The following SLIT3 variants were observed in gnomAD, a reference collection of about 807,000 sequenced individuals.
The protein encoded by SLIT3 is slit guidance ligand 3.
SLIT3 carries 68 observed loss-of-function variants against 184.0 expected under a neutral mutation model. That is an observed-to-expected ratio of 0.37 (90% confidence interval 0.30 to 0.45). The LOEUF (loss-of-function observed/expected upper bound fraction) is 0.45, where lower values mean the gene tolerates loss of function less well. Among genes scored for constraint, SLIT3 ranks in the 20% least tolerant of loss-of-function variants. SLIT3 has a pLI of 1.00. For synonymous variants in SLIT3, 831 were observed against 828.6 expected (o/e 1.00, Z -0.05); for missense variants, 1,707 against 2,026.0 (o/e 0.84, Z 3.02).
chr5:169,155,858 C>T (rs762634759), intron 4 of SLIT3, among the ~76,000 whole-genome samples: 5 of 152,198 alleles, frequency 3.3e-5, no homozygotes, highest in Admixed American at 1.3e-4. Flanking sequence ...TTCTGTTCAA[C>T]GTATGAACTG....
At chr5:169,163,994 A>C (rs953731966) in intron 4 of SLIT3, among the ~76,000 whole-genome samples, 1 of 152,170 alleles carries the variant, frequency 6.6e-6, no homozygotes, top group Non-Finnish European at 1.5e-5. Flanking sequence ...ACCATGAAAG[A>C]CAGGCAGTGG....
At chr5:168,924,495 T>G (rs892457510) in intron 4 of SLIT3, among the ~76,000 whole-genome samples, 59 of 137,482 alleles carry the variant, frequency 4.3e-4, no homozygotes, top group Middle Eastern at 3.5e-3. Context: ...TGTGTAAGGG[T>G]GTGTGTGTGT....
At chr5:168,679,961 T>C (rs186291596) in intron 32 of SLIT3, among the ~76,000 whole-genome samples, 1 of 152,366 alleles carries the variant, frequency 6.6e-6, no homozygotes, top group East Asian at 1.9e-4. Context: ...GAGCATGCAC[T>C]GCATTGCATT....
chr5:169,124,919 A>G (rs962633981), intron 4 of SLIT3, among the ~76,000 whole-genome samples: 1 of 152,202 alleles, frequency 6.6e-6, no homozygotes, highest in Non-Finnish European at 1.5e-5. Context: ...ACAGAAATGT[A>G]GCATTCTCTT....
At chr5:169,264,542 T>G (rs1378628149) in intron 1 of SLIT3, among the ~76,000 whole-genome samples, 2 of 152,192 alleles carry the variant, frequency 1.3e-5, no homozygotes, top group Non-Finnish European at 2.9e-5. Flanking sequence ...GCGGTCCTAA[T>G]GGGTGTCTTC....
intron 3 of SLIT3, among the ~76,000 whole-genome samples, chr5:169,197,635 A>G (rs905625139): frequency 2.0e-5 from 3 of 152,188 alleles, no homozygotes; most frequent in South Asian, 4.1e-4. Context: ...AAGTAAATCC[A>G]TGATTACTGA....
At chr5:169,064,485 T>TC (rs1758281999) in intron 4 of SLIT3, among the ~76,000 whole-genome samples, 1 of 152,222 alleles carries the variant, frequency 6.6e-6, no homozygotes, top group Non-Finnish European at 1.5e-5. Context: ...TTTTCTTTTT[T>TC]CCTCACAGAG....
chr5:169,283,658 A>C (rs1767063440), intron 1 of SLIT3, among the ~76,000 whole-genome samples: 1 of 152,216 alleles, frequency 6.6e-6, no homozygotes, highest in African/African-American at 2.4e-5. Context: ...TGAGGGACTT[A>C]TGACAATTTC....
At chr5:169,250,445 C>T (rs962781356) in intron 2 of SLIT3, among the ~76,000 whole-genome samples, 2 of 152,086 alleles carry the variant, frequency 1.3e-5, no homozygotes, top group Non-Finnish European at 2.9e-5. Flanking sequence ...AAACTGAGGC[C>T]CAAGGAGGAA....
intron 34 of SLIT3, among the ~76,000 whole-genome samples, chr5:168,670,639 C>T (rs1302017159): frequency 6.6e-6 from 1 of 152,196 alleles, no homozygotes; most frequent in African/African-American, 2.4e-5. Flanking sequence ...TCCCTTATTC[C>T]TGATCCAAAA....
intron 4 of SLIT3, among the ~76,000 whole-genome samples, chr5:168,934,223 A>G (rs138833214): frequency 6.6e-6 from 1 of 152,310 alleles, no homozygotes; most frequent in East Asian, 1.9e-4. Context: ...CAACTCCCCA[A>G]AGGAATAATT....
At position 168,738,215 on chromosome 5, in the gene SLIT3, T is replaced by C. The variant is rs574172934; in HGVS notation, c.2270+10087A>G. On this transcript the variant is annotated intron_variant, in intron 20 of 35. Transcript: ENST00000519560. ...ATTTTCCTTTTGCCCTGTGTTGACA[T>C]TTGCACTGATGGTACAAAATTAGTG... Among the ~76,000 whole-genome samples, 139 of 152,312 alleles carry C rather than the reference T, an allele frequency of 9.1e-4. 1 individual carries two copies. The highest frequency in any genetic ancestry group is 3.2e-3 in the African/African-American group (134 of 41,556).
At chr5:169,268,319 A>G (rs1399281752) in intron 1 of SLIT3, among the ~76,000 whole-genome samples, 1 of 152,174 alleles carries the variant, frequency 6.6e-6, no homozygotes, top group South Asian at 2.1e-4. Context: ...GCCGAGTGAC[A>G]CGCAGGAAAT....
intron 32 of SLIT3, among the ~76,000 whole-genome samples, chr5:168,683,346 G>A (rs568426827): frequency 2.7e-5 from 4 of 148,480 alleles, no homozygotes; most frequent in Non-Finnish European, 4.4e-5. Context: ...CTCCAGCCTG[G>A]GCAAGAGAAC....
intron 4 of SLIT3, among the ~76,000 whole-genome samples, chr5:168,902,829 G>A (rs1342896672): frequency 6.6e-6 from 1 of 152,206 alleles, no homozygotes; most frequent in Non-Finnish European, 1.5e-5. Context: ...AATTTGAGAA[G>A]CAGATGAAGG....
At chr5:168,691,079 C>T (rs979022603) in intron 29 of SLIT3, among the ~76,000 whole-genome samples, 4 of 152,174 alleles carry the variant, frequency 2.6e-5, no homozygotes, top group African/African-American at 4.8e-5. Flanking sequence ...GAGCCAGAAT[C>T]GTGGGGCCTA....
At chr5:169,036,854 G>A (rs1381323484) in intron 4 of SLIT3, among the ~76,000 whole-genome samples, 2 of 152,138 alleles carry the variant, frequency 1.3e-5, no homozygotes, top group Non-Finnish European at 2.9e-5. Context: ...CTTCTTCCGG[G>A]ACCAGAGAGC....
At chr5:168,755,130 TTTA>T (rs1158189675) in intron 16 of SLIT3, among the ~76,000 whole-genome samples, 2 of 152,162 alleles carry the variant, frequency 1.3e-5, no homozygotes, top group East Asian at 3.9e-4. Flanking sequence ...GTCGGACTCA[TTTA>T]TTATTATCGT....
chr5:169,231,695 G>C (rs1765008499), intron 3 of SLIT3, among the ~76,000 whole-genome samples: 1 of 152,142 alleles, frequency 6.6e-6, no homozygotes, highest in African/African-American at 2.4e-5. Flanking sequence ...TCTTTTTGTA[G>C]GGTATGTACC....
Sources: gnomAD v4.1 joint callset for allele counts (sites outside exome capture counted in the v4.1 genomes callset) on GRCh38, gnomAD v4.1.1 for gene constraint, MANE v1.5 for transcripts, NCBI Gene and HGNC (gene_info 2026-07-23, HGNC 2026-07-21) for gene names.